The following SNX8 variants were observed in gnomAD, a reference collection of about 807,000 sequenced individuals.
SNX8 encodes the protein sorting nexin-8.
SNX8 carries 25 observed loss-of-function variants against 51.6 expected under a neutral mutation model. The observed-to-expected ratio is 0.48, with a 90% CI of 0.35 to 0.68. SNX8 has a LOEUF of 0.68. Ranked by LOEUF, SNX8 falls within the 30% of genes least tolerant of loss-of-function variation. SNX8 has a pLI of 0.00. For missense variants in SNX8, 695 were observed against 624.0 expected (o/e 1.11, Z -1.21); for synonymous variants, 324 against 277.0 (o/e 1.17, Z -1.68).
chr7:2,340,921 T>C (rs764361081), intron 1 of SNX8, among the ~76,000 whole-genome samples: 2 of 140,304 alleles, frequency 1.4e-5, no homozygotes, highest in Admixed American at 1.5e-4. Context: ...CAGTGGCTCA[T>C]GCTTGTAATC....
intron 2 of SNX8, among the ~76,000 whole-genome samples, chr7:2,277,271 C>T (rs554316895): frequency 1.6e-4 from 24 of 152,296 alleles, no homozygotes; most frequent in African/African-American, 5.8e-4. Flanking sequence ...ATCAGGCACT[C>T]GGTGTCTGTG....
chr7:2,325,708 C>T (rs1778610745), intron 1 of SNX8, among the ~76,000 whole-genome samples: 1 of 152,124 alleles, frequency 6.6e-6, no homozygotes, highest in African/African-American at 2.4e-5. Context: ...TGGCAAGCGC[C>T]TGTAGTCCCA....
intron 3 of SNX8, among the ~76,000 whole-genome samples, chr7:2,272,950 C>T (rs1391370397): frequency 6.6e-6 from 1 of 151,934 alleles, no homozygotes; most frequent in Non-Finnish European, 1.5e-5. Context: ...TCTCCTGCCT[C>T]AGCCTCCCAA....
chr7:2,325,598 T>A (rs1778609175), intron 1 of SNX8, among the ~76,000 whole-genome samples: 2 of 151,738 alleles, frequency 1.3e-5, no homozygotes, highest in South Asian at 4.1e-4. Flanking sequence ...GAGGCTGAGG[T>A]GGGCGGATTG....
chr7:2,300,329 T>C (rs1289950153), intron 1 of SNX8, among the ~76,000 whole-genome samples: 1 of 152,246 alleles, frequency 6.6e-6, no homozygotes. Flanking sequence ...GGAGATTTTA[T>C]GTTGAACTCA....
At chr7:2,332,129 C>T (rs893454260) in intron 1 of SNX8, among the ~76,000 whole-genome samples, 2 of 151,726 alleles carry the variant, frequency 1.3e-5, no homozygotes, top group Admixed American at 6.6e-5. Flanking sequence ...ATCGCTTGAG[C>T]CTCGGAAGCA....
chr7:2,353,557 G>A (rs1015289677), intron 1 of SNX8, among the ~76,000 whole-genome samples: 2 of 151,980 alleles, frequency 1.3e-5, no homozygotes, highest in Admixed American at 1.3e-4. Context: ...ACTGGGAAGA[G>A]AGGTGTGAGC....
At chr7:2,268,173 C>T (rs1459373127) in intron 5 of SNX8, among the ~76,000 whole-genome samples, 1 of 128,654 alleles carries the variant, frequency 7.8e-6, no homozygotes, top group Non-Finnish European at 1.6e-5. Context: ...TGGGGGGCGT[C>T]AGCCCTCCGC....
chr7:2,314,548 C>A, upstream of SNX8: 1 of 977,142 alleles, frequency 1.0e-6, no homozygotes, highest in South Asian at 4.8e-5. Context: ...CGCCCACAGT[C>A]CGCCCCTGCG....
intron 1 of SNX8, among the ~76,000 whole-genome samples, chr7:2,292,556 C>T (rs946219407): frequency 1.3e-5 from 2 of 151,854 alleles, no homozygotes; most frequent in Non-Finnish European, 2.9e-5. Flanking sequence ...GGACTACAGG[C>T]GTCCACCACC....
intron 1 of SNX8, among the ~76,000 whole-genome samples, chr7:2,336,877 T>C (rs1778839869): frequency 6.6e-6 from 1 of 150,906 alleles, no homozygotes; most frequent in Non-Finnish European, 1.5e-5. Flanking sequence ...GGCATGGTGA[T>C]GCATGCCTGT....
chr7:2,291,603 G>GA (rs1363564616), intron 1 of SNX8, among the ~76,000 whole-genome samples: 1 of 133,632 alleles, frequency 7.5e-6, no homozygotes, highest in Non-Finnish European at 1.6e-5. Flanking sequence ...GTCTCAAAAA[G>GA]AAAAAAGAAA....
chr7:2,302,281 T>C (rs1205657459), intron 1 of SNX8, among the ~76,000 whole-genome samples: 1 of 152,204 alleles, frequency 6.6e-6, no homozygotes, highest in African/African-American at 2.4e-5. Context: ...TTTCGTATTT[T>C]TTTGGTGGAG....
chr7:2,313,469 T>C (rs1184520519), intron 1 of SNX8, among the ~76,000 whole-genome samples: 1 of 146,750 alleles, frequency 6.8e-6, no homozygotes, highest in Non-Finnish European at 1.5e-5. Context: ...GAGGTTGCAA[T>C]GAGCCGAGAT....
At chr7:2,291,338 C>CTT (rs2115167162) in intron 1 of SNX8, among the ~76,000 whole-genome samples, 1 of 152,206 alleles carries the variant, frequency 6.6e-6, no homozygotes, top group South Asian at 2.1e-4. Context: ...TGGACTACAC[C>CTT]TGTAATCCCA....
intron 1 of SNX8, among the ~76,000 whole-genome samples, chr7:2,291,308 A>G (rs905799599): frequency 2.0e-5 from 3 of 151,954 alleles, no homozygotes; most frequent in African/African-American, 4.8e-5. Context: ...AAAAAAAAAA[A>G]GAAACTAGGC....
At chr7:2,325,444 T>G (rs976866784) in intron 1 of SNX8, among the ~76,000 whole-genome samples, 2 of 152,160 alleles carry the variant, frequency 1.3e-5, no homozygotes, top group African/African-American at 4.8e-5. Context: ...AAAACCTAAA[T>G]CATCTGGGAG....
At chr7:2,327,794 G>C (rs1039570337) in intron 1 of SNX8, among the ~76,000 whole-genome samples, 3 of 152,128 alleles carry the variant, frequency 2.0e-5, no homozygotes, top group Admixed American at 6.6e-5. Context: ...CGCCCGCCTT[G>C]GCCTCCCAAA....
chr7:2,269,770 C>A, intron 4 of SNX8, 131 bp from the exon 5 acceptor site: 1 of 548,418 alleles, frequency 1.8e-6, no homozygotes, highest in South Asian at 2.5e-5. Context: ...TTGGCTTTGA[C>A]ATTAGTATTC....
Sources: allele counts gnomAD v4.1 joint callset (sites outside exome capture counted in the v4.1 genomes callset), GRCh38; gene constraint gnomAD v4.1.1; transcripts MANE v1.5; gene names NCBI Gene and HGNC (gene_info 2026-07-23, HGNC 2026-07-21).